The following CDYL variants were observed in gnomAD, a reference collection of about 807,000 sequenced individuals.
CDYL encodes the protein chromodomain Y like.
A neutral mutation model predicts 47.3 loss-of-function variants in CDYL; 8 were observed. The ratio of observed to expected loss-of-function variants is 0.17; its 90% CI spans 0.10 to 0.31. CDYL has a LOEUF of 0.31. Ranked by LOEUF, CDYL falls within the 10% of genes least tolerant of loss-of-function variation. CDYL has a pLI of 1.00. For synonymous variants in CDYL, 266 were observed against 265.0 expected (o/e 1.00, Z -0.04); for missense variants, 471 against 701.4 (o/e 0.67, Z 3.71).
chr6:4,792,433 AT>A (rs202226393), intron 1 of CDYL, among the ~76,000 whole-genome samples: 1,778 of 137,756 alleles, frequency 0.013, 33 homozygotes, highest in African/African-American at 0.043. Context: ...TTAAAAAAAA[AT>A]TTTTTTTTTT....
rs1229160809 is a variant in CDYL at position 4,716,021 on chromosome 6, G to C, written c.103+140G>C. 2.3e-6 allele frequency: 3 copies of C among 1,300,670 alleles called. No individual in the cohort carries two copies. In the Admixed American group the frequency reaches 7.9e-5, roughly 34 times the overall value. The allele number at this position is 1,300,670 out of a possible 1,614,324, so 80.6% of individuals were successfully genotyped here. A position where few individuals can be genotyped will look rare whatever the true frequency, so the allele number is the denominator to read the frequency against. ...CCCAGCACTTTGGGAGGCCGAGGCG[G>C]GCGGATCATGAGGTCAGGAGATCGA... On this transcript the variant is annotated intron_variant, in intron 2 of 8. Coordinates refer to the CDYL transcript ENST00000328908.
chr6:4,952,077 CT>C (rs1240638180), intron 5 of CDYL, among the ~76,000 whole-genome samples, 188 bp from the exon 6 acceptor site: 3 of 152,180 alleles, frequency 2.0e-5, no homozygotes, highest in Non-Finnish European at 4.4e-5. Flanking sequence ...CGATAGATTA[CT>C]TTCCCACCTG....
At chr6:4,714,721 G>C (rs572133456) in intron 1 of CDYL, 26 of 152,218 alleles carry the variant, frequency 1.7e-4, no homozygotes, top group Non-Finnish European at 3.7e-4. Flanking sequence ...TTCATATGGA[G>C]CCCAGTGTGG....
At chr6:4,791,990 C>G (rs1397041742) in intron 1 of CDYL, among the ~76,000 whole-genome samples, 1 of 150,656 alleles carries the variant, frequency 6.6e-6, no homozygotes, top group Non-Finnish European at 1.5e-5. Context: ...TCACGCCATT[C>G]TCCTGCCTCA....
At chr6:4,871,570 A>G (rs1399088924) in intron 1 of CDYL, among the ~76,000 whole-genome samples, 1 of 152,176 alleles carries the variant, frequency 6.6e-6, no homozygotes, top group Non-Finnish European at 1.5e-5. Flanking sequence ...CAACACACTG[A>G]AGGGTCTCAG....
At chr6:4,952,721 A>G in intron 6 of CDYL, among the ~76,000 whole-genome samples, 1 of 152,098 alleles carries the variant, frequency 6.6e-6, no homozygotes, top group East Asian at 1.9e-4. Flanking sequence ...TTTCAGTCAC[A>G]TTATTAGCTT....
chr6:4,803,279 T>C (rs1000852682), intron 1 of CDYL, among the ~76,000 whole-genome samples: 1 of 152,230 alleles, frequency 6.6e-6, no homozygotes, highest in Admixed American at 6.5e-5. Context: ...ACCCTGTTGC[T>C]ATCCTCTGCT....
intron 1 of CDYL, among the ~76,000 whole-genome samples, chr6:4,831,012 A>G (rs1760126503): frequency 6.6e-6 from 1 of 152,056 alleles, no homozygotes; most frequent in Admixed American, 6.5e-5. Flanking sequence ...ATTGTTGGAC[A>G]TTAGGGTTGG....
chr6:4,707,729 G>C (rs530240316), intron 1 of CDYL, among the ~76,000 whole-genome samples: 1 of 152,220 alleles, frequency 6.6e-6, no homozygotes, highest in Admixed American at 6.5e-5. Context: ...CAAAACACTT[G>C]TTATTTTCTG....
intron 1 of CDYL, among the ~76,000 whole-genome samples, chr6:4,872,439 T>C (rs1201717357): frequency 6.6e-6 from 1 of 151,774 alleles, no homozygotes; most frequent in African/African-American, 2.4e-5. Context: ...TGGAGTGCAG[T>C]GGTGCAGTCT....
chr6:4,747,165 A>T (rs1490891434), intron 3 of CDYL, among the ~76,000 whole-genome samples: 2 of 151,952 alleles, frequency 1.3e-5, no homozygotes, highest in Admixed American at 1.3e-4. Context: ...AAATTAGCCA[A>T]GAGTGGTGGC....
chr6:4,818,247 CCT>C (rs1448846844), intron 1 of CDYL, among the ~76,000 whole-genome samples: 9 of 151,458 alleles, frequency 5.9e-5, no homozygotes, highest in East Asian at 5.8e-4. Flanking sequence ...AAAGTGAGCC[CCT>C]GTCTCAAAAA....
At chr6:4,778,399 A>C (rs886906669) in intron 1 of CDYL, among the ~76,000 whole-genome samples, 6 of 152,228 alleles carry the variant, frequency 3.9e-5, no homozygotes, top group African/African-American at 1.4e-4. Flanking sequence ...ATTTCCCATT[A>C]GTATATTATG....
chr6:4,842,640 CTTAAGT>C (rs1164854162), intron 1 of CDYL, among the ~76,000 whole-genome samples: 15 of 152,136 alleles, frequency 9.9e-5, no homozygotes, highest in East Asian at 5.8e-4. Context: ...ACCCGTTTAC[CTTAAGT>C]TTATGTGAGT....
chr6:4,771,691 C>A (rs141264489), upstream of CDYL, among the ~76,000 whole-genome samples: 7 of 152,350 alleles, frequency 4.6e-5, no homozygotes, highest in African/African-American at 1.7e-4. Flanking sequence ...CCACACTCAT[C>A]TCTTGCCTAG....
At chr6:4,829,642 A>C (rs1760078801) in intron 1 of CDYL, among the ~76,000 whole-genome samples, 1 of 151,970 alleles carries the variant, frequency 6.6e-6, no homozygotes, top group Non-Finnish European at 1.5e-5. Flanking sequence ...GTGCCTGTGG[A>C]CTTGTTTGTA....
At chr6:4,753,683 A>C (rs960338714) in intron 3 of CDYL, among the ~76,000 whole-genome samples, 1 of 152,176 alleles carries the variant, frequency 6.6e-6, no homozygotes, top group African/African-American at 2.4e-5. Context: ...TATTATATTC[A>C]ACACAAGGAT....
At chr6:4,887,772 A>C (rs1761936508) in intron 1 of CDYL, among the ~76,000 whole-genome samples, 1 of 152,068 alleles carries the variant, frequency 6.6e-6, no homozygotes, top group Non-Finnish European at 1.5e-5. Context: ...TTCTGATCTT[A>C]GGGGGAAGCT....
chr6:4,806,626 CCTTT>C (rs1183618676), intron 1 of CDYL, among the ~76,000 whole-genome samples: 1 of 151,546 alleles, frequency 6.6e-6, no homozygotes, highest in African/African-American at 2.4e-5. Context: ...CCCATGAATG[CCTTT>C]CTTCTGTTCC....
Sources: allele counts gnomAD v4.1 joint callset (sites outside exome capture counted in the v4.1 genomes callset), GRCh38; gene constraint gnomAD v4.1.1; transcripts MANE v1.5; gene names NCBI Gene and HGNC (gene_info 2026-07-23, HGNC 2026-07-21).